PHIP: variants seen among roughly 807,000 people sequenced by gnomAD.
PHIP encodes the protein PH-interacting protein.
Under a neutral mutation model 236.8 loss-of-function variants are expected in PHIP, and 54 were observed. The observed-to-expected ratio is 0.23, with a 90% confidence interval of 0.18 to 0.29. The LOEUF (loss-of-function observed/expected upper bound fraction) is 0.29, where lower values mean the gene tolerates loss of function less well. PHIP is among the 10% of genes least tolerant of loss of function. The pLI is 1.00. For missense variants in PHIP, 1,370 were observed against 2,190.8 expected (o/e 0.63, Z 7.48); for synonymous variants, 756 against 718.9 (o/e 1.05, Z -0.83).
chr6:78,942,484 AAAAACAAAAC>A (rs1012976452), intron 39 of PHIP, among the ~76,000 whole-genome samples: 5 of 152,182 alleles, frequency 3.3e-5, no homozygotes, highest in South Asian at 2.1e-4. Flanking sequence ...ACTCCATCTC[AAAAACAAAAC>A]AAAACAAAAC....
intron 25 of PHIP, 132 bp downstream of exon 25, chr6:78,970,649 G>T: frequency 1.6e-6 from 1 of 629,266 alleles, no homozygotes; most frequent in Non-Finnish European, 2.7e-6. Flanking sequence ...CTACTCTCTA[G>T]GACTGCTTCA....
At chr6:78,956,976 A>C (rs1766460212) in intron 32 of PHIP, 1 of 152,080 alleles carries the variant, frequency 6.6e-6, no homozygotes, top group Non-Finnish European at 1.5e-5. Context: ...ACTCAATTAA[A>C]AAGTATAATA....
At chr6:79,041,859 CCTG>C (rs1359516606) in intron 7 of PHIP, among the ~76,000 whole-genome samples, 7 of 151,994 alleles carry the variant, frequency 4.6e-5, no homozygotes, top group African/African-American at 1.7e-4. Flanking sequence ...ATTCCTACAT[CCTG>C]CTATTTAGCT....
intron 29 of PHIP, among the ~76,000 whole-genome samples, chr6:78,964,246 T>C (rs924038766): frequency 6.6e-6 from 1 of 152,196 alleles, no homozygotes; most frequent in Non-Finnish European, 1.5e-5. Flanking sequence ...ATTATTGGCA[T>C]TAAATTTTCA....
chr6:79,070,749 C>T (rs1324076546), intron 4 of PHIP, among the ~76,000 whole-genome samples: 1 of 152,158 alleles, frequency 6.6e-6, no homozygotes, highest in East Asian at 1.9e-4. Flanking sequence ...TTTCGTATAA[C>T]CTTTACACTC....
rs771865539 is a variant in PHIP at position 79,060,717 on chromosome 6, T to C, written c.291A>G (p.Val97=). Residue 97 remains valine, a synonymous_variant, in exon 5 of 40, where the codon GTA becomes GTG. Transcript: ENST00000275034. ...GTCTTCCAGCTCCTAATAAAGTTTG[T>C]ACTCCAGGAACACTTTGAGGAATTT... ...EQEIPQSVPG[V]QTLLGAGRQS... The C allele has an allele frequency of 2.5e-6, 4 of 1,613,460 alleles. No individual in the cohort carries two copies. In the South Asian group the frequency reaches 4.4e-5, roughly 18 times the overall value.
In PHIP at chr6:78,940,642, C is replaced by T. The variant is rs1158710540; in HGVS notation, c.*51G>A. ...AGCAGAAGCCTTAGTTCTACTTATT[C>T]CTTAACTGTACCTGCTTTATAGATT... On this transcript the variant is annotated 3_prime_UTR_variant, in exon 40 of 40. Coordinates refer to ENST00000275034, the MANE Select transcript of PHIP (RefSeq NM_017934.7). The T allele has an allele frequency of 2.4e-5, 26 of 1,077,580 alleles. No homozygotes were observed. Among genetic ancestry groups the T allele is most frequent in the Admixed American group, 2.6e-5 (1 of 37,796 alleles). The allele number at this position is 1,077,580 out of a possible 1,614,324, so 66.8% of individuals were successfully genotyped here. A position where few individuals can be genotyped will look rare whatever the true frequency, so the allele number is the denominator to read the frequency against.
intron 20 of PHIP, among the ~76,000 whole-genome samples, chr6:78,988,796 A>ATCTACATCAAACTCTTCTGTATCTCTT (rs1484033902): frequency 1.3e-5 from 2 of 152,090 alleles, no homozygotes; most frequent in African/African-American, 4.8e-5. Context: ...TAAACCAAAC[A>ATCTACATCAAACTCTTCTGTATCTCTT]CTGAACTCTT....
Position 79,026,045 on chromosome 6 carries a change from T to C in PHIP, c.720A>G (p.Ile240Met), listed in dbSNP as rs1367258192. The C allele has an allele frequency of 6.2e-7, 1 of 1,613,852 alleles. No homozygotes were observed. The highest frequency in any genetic ancestry group is 2.2e-5 in the East Asian group (1 of 44,876). ...DMAVNYENTM[I>M]AAGSCDKMIR... ...TCATTTTATCACAACTTCCAGCTGCTATCATGGTATTCTCATAGTTTACAG... is the reference window on the plus strand; with the variant it reads ...TCATTTTATCACAACTTCCAGCTGCCATCATGGTATTCTCATAGTTTACAG... The change falls in exon 8 of 40, where the codon ATA (isoleucine) becomes ATG (methionine). Residue 240 changes from isoleucine (I) to methionine (M), a missense_variant. By Grantham distance (10) the Ile-to-Met change is conservative. Around this residue, in one of 14 missense-constraint regions of PHIP, gnomAD observed 3 missense variants for 35.3 expected, o/e 0.08. Transcript: ENST00000275034.
At chr6:79,010,116 G>A (rs1175779367) in intron 15 of PHIP, among the ~76,000 whole-genome samples, 1 of 151,626 alleles carries the variant, frequency 6.6e-6, no homozygotes, top group Non-Finnish European at 1.5e-5. Flanking sequence ...GGTTGGGTGA[G>A]GGAGAAAAGA....
intron 29 of PHIP, among the ~76,000 whole-genome samples, chr6:78,964,516 G>C (rs762916544): frequency 2.8e-4 from 42 of 152,058 alleles, no homozygotes; most frequent in Non-Finnish European, 2.4e-4. Flanking sequence ...TTTTTGAGAT[G>C]GAGTCTCGCT....
At chr6:79,058,985 C>G (rs1444461053) in intron 6 of PHIP, among the ~76,000 whole-genome samples, 1 of 152,010 alleles carries the variant, frequency 6.6e-6, no homozygotes, top group Non-Finnish European at 1.5e-5. Context: ...ACCCTCGTCT[C>G]TCAAATTTTT....
At chr6:79,018,735 T>G (rs1770964244) in intron 10 of PHIP, among the ~76,000 whole-genome samples, 1 of 151,942 alleles carries the variant, frequency 6.6e-6, no homozygotes, top group Non-Finnish European at 1.5e-5. Flanking sequence ...TAGAATACCT[T>G]CAAAATCCAT....
rs575778219 is a variant in PHIP, at chr6:79,053,599, G to A, written c.439+6879C>T. Among the ~76,000 whole-genome samples, 108 of 152,270 alleles carry A rather than the reference G, an allele frequency of 7.1e-4. 1 individual carries two copies. In the South Asian group the frequency reaches 0.022, roughly 31 times the overall value. The stretch of plus-strand genomic sequence containing the variant: ...TAAAAATATCTATTCAGCCTGATCT[G>A]ATCATGGACTTCCCAGGTCCAAAAG... On this transcript the variant is annotated intron_variant, in intron 6 of 39. Transcript: ENST00000275034.
At chr6:78,987,274 T>C (rs978354244) in intron 21 of PHIP, among the ~76,000 whole-genome samples, 3 of 151,992 alleles carry the variant, frequency 2.0e-5, no homozygotes, top group African/African-American at 7.3e-5. Flanking sequence ...TTTTATAAGA[T>C]AAATAATTAG....
chr6:79,025,691 T>C (rs939711403), intron 8 of PHIP, 72 bp from the exon 9 acceptor site: 13 of 981,536 alleles, frequency 1.3e-5, no homozygotes, highest in Non-Finnish European at 2.1e-5. Flanking sequence ...CTTTTTGCCA[T>C]ACAAATAGCA....
chr6:79,068,658 G>A (rs1773742633), intron 4 of PHIP, among the ~76,000 whole-genome samples: 2 of 152,100 alleles, frequency 1.3e-5, no homozygotes, highest in African/African-American at 4.8e-5. Flanking sequence ...ATATGAAGCA[G>A]TTAGTACTGT....
chr6:79,062,904 C>G (rs183427256), intron 4 of PHIP, among the ~76,000 whole-genome samples: 164 of 152,292 alleles, frequency 1.1e-3, no homozygotes, highest in Admixed American at 7.2e-4. Flanking sequence ...CCTTCCATGA[C>G]CTATTTACAC....
At chr6:78,953,346 C>T (rs1008674396) in intron 35 of PHIP, among the ~76,000 whole-genome samples, 1 of 152,186 alleles carries the variant, frequency 6.6e-6, no homozygotes, top group Non-Finnish European at 1.5e-5. Context: ...AGTGTTAATA[C>T]TTGTGCCTCT....
Sources: allele counts gnomAD v4.1 joint callset (sites outside exome capture counted in the v4.1 genomes callset), GRCh38; gene constraint gnomAD v4.1.1; regional missense constraint gnomAD v4.1.1; transcripts MANE v1.5; gene names NCBI Gene and HGNC (gene_info 2026-07-23, HGNC 2026-07-21).